Variants in CCDC60 observed in about 807,000 individuals in gnomAD.
The protein encoded by CCDC60 is coiled-coil domain containing 60, also known as coiled-coil domain-containing protein 60.
CCDC60 carries 54 observed loss-of-function variants against 63.5 expected under a neutral mutation model. That is an observed-to-expected ratio of 0.85 (90% confidence interval 0.68 to 1.07). CCDC60 has a LOEUF of 1.07. Among genes scored for constraint, CCDC60 ranks in the 50% least tolerant of loss-of-function variants. The pLI, the probability that CCDC60 is intolerant of heterozygous loss-of-function variation, is 0.00. For missense variants in CCDC60, 651 were observed against 684.3 expected (o/e 0.95, Z 0.54); for synonymous variants, 206 against 238.8 (o/e 0.86, Z 1.27).
intron 2 of CCDC60, among the ~76,000 whole-genome samples, chr12:119,440,713 G>C (rs1001505490): frequency 2.6e-5 from 4 of 152,016 alleles, no homozygotes; most frequent in Non-Finnish European, 4.4e-5. Flanking sequence ...ATACAGAGTG[G>C]GGCAGAAGGA....
At chr12:119,453,917 T>C (rs1399882736) in intron 2 of CCDC60, among the ~76,000 whole-genome samples, 1 of 152,036 alleles carries the variant, frequency 6.6e-6, no homozygotes, top group African/African-American at 2.4e-5. Flanking sequence ...ATGATGATGA[T>C]GATGATGAAA....
intron 13 of CCDC60, among the ~76,000 whole-genome samples, chr12:119,534,087 T>C (rs959986879): frequency 1.3e-5 from 2 of 152,218 alleles, no homozygotes; most frequent in Non-Finnish European, 2.9e-5. Flanking sequence ...TGTCCTCTTT[T>C]ATTTCGTTGA....
chr12:119,348,616 G>A (rs955893759), intron 1 of CCDC60, among the ~76,000 whole-genome samples: 2 of 152,130 alleles, frequency 1.3e-5, no homozygotes, highest in African/African-American at 4.8e-5. Flanking sequence ...ATCTCGTGAA[G>A]ATTCAAGATA....
intron 2 of CCDC60, among the ~76,000 whole-genome samples, chr12:119,461,083 A>C (rs1460775588): frequency 6.6e-6 from 1 of 152,040 alleles, no homozygotes; most frequent in African/African-American, 2.4e-5. Context: ...GCCACATTCC[A>C]GCTGTTATGA....
intron 4 of CCDC60, among the ~76,000 whole-genome samples, chr12:119,481,228 G>A (rs1951311858): frequency 6.6e-6 from 1 of 152,104 alleles, no homozygotes; most frequent in Non-Finnish European, 1.5e-5. Flanking sequence ...ATTCCAGCTG[G>A]CAGCCTAAGC....
intron 12 of CCDC60, among the ~76,000 whole-genome samples, chr12:119,530,281 A>C (rs1045384998): frequency 2.1e-5 from 3 of 140,542 alleles, no homozygotes; most frequent in Admixed American, 7.0e-5. Flanking sequence ...TTTTTTTTTT[A>C]AGAGATCTAC....
intron 1 of CCDC60, among the ~76,000 whole-genome samples, chr12:119,382,174 ACT>A (rs903823025): frequency 6.6e-6 from 1 of 152,052 alleles, no homozygotes; most frequent in African/African-American, 2.4e-5. Flanking sequence ...AGCCACAAAA[ACT>A]CTTTCCCTTG....
chr12:119,524,531 C>A, intron 11 of CCDC60: 3 of 780,604 alleles, frequency 3.8e-6, no homozygotes, highest in Non-Finnish European at 4.7e-6. Context: ...GAAGACTAAT[C>A]CTTGCCCTTT....
intron 5 of CCDC60, among the ~76,000 whole-genome samples, chr12:119,493,792 T>C (rs921733359): frequency 6.6e-6 from 1 of 152,216 alleles, no homozygotes; most frequent in Non-Finnish European, 1.5e-5. Flanking sequence ...TAAGTATTTA[T>C]TCAAACCCTT....
chr12:119,465,934 G>A (rs191572253), intron 2 of CCDC60, among the ~76,000 whole-genome samples: 15 of 152,150 alleles, frequency 9.9e-5, no homozygotes, highest in South Asian at 2.1e-4. Context: ...TTTCTAAAAC[G>A]TGCAAAGCCA....
At chr12:119,340,380 G>A (rs1039063839) in intron 1 of CCDC60, among the ~76,000 whole-genome samples, 2 of 152,152 alleles carry the variant, frequency 1.3e-5, no homozygotes, top group East Asian at 3.9e-4. Flanking sequence ...TTGTTAATAA[G>A]CTTTAGTACC....
chr12:119,507,244 G>A (rs1050079176), intron 7 of CCDC60, among the ~76,000 whole-genome samples: 16 of 151,866 alleles, frequency 1.1e-4, no homozygotes, highest in African/African-American at 3.6e-4. Flanking sequence ...AGTCCACTGG[G>A]TGGTCAGGGT....
intron 2 of CCDC60, among the ~76,000 whole-genome samples, chr12:119,440,668 G>A (rs964685567): frequency 6.6e-6 from 1 of 152,188 alleles, no homozygotes; most frequent in Non-Finnish European, 1.5e-5. Flanking sequence ...TTACCGGGAA[G>A]TAGTCTCAGG....
chr12:119,403,235 G>GA (rs1271201500), intron 1 of CCDC60, among the ~76,000 whole-genome samples: 1 of 152,048 alleles, frequency 6.6e-6, no homozygotes, highest in African/African-American at 2.4e-5. Context: ...TCAGACTCAT[G>GA]AAAAAATAAG....
intron 1 of CCDC60, among the ~76,000 whole-genome samples, chr12:119,356,372 ATTCAT>A (rs1285419757): frequency 6.6e-6 from 1 of 152,068 alleles, no homozygotes; most frequent in Non-Finnish European, 1.5e-5. Context: ...ATTTTATTTC[ATTCAT>A]TTCATTTATA....
intron 1 of CCDC60, among the ~76,000 whole-genome samples, chr12:119,382,456 A>G (rs1210504236): frequency 3.5e-4 from 54 of 152,160 alleles, no homozygotes; most frequent in Non-Finnish European, 1.5e-5. Flanking sequence ...GTTCTGTGGG[A>G]GCACCTAACT....
intron 2 of CCDC60, among the ~76,000 whole-genome samples, chr12:119,439,877 AC>A (rs1159476939): frequency 6.6e-6 from 1 of 152,220 alleles, no homozygotes; most frequent in Non-Finnish European, 1.5e-5. Flanking sequence ...CCGACTAGAC[AC>A]CTTGGATGAT....
intron 2 of CCDC60, among the ~76,000 whole-genome samples, chr12:119,471,565 T>C (rs1281725226): frequency 6.6e-6 from 1 of 152,010 alleles, no homozygotes; most frequent in African/African-American, 2.4e-5. Flanking sequence ...ATTTGTTGAG[T>C]GATGGGATGA....
At chr12:119,395,719 G>C (rs1202037032) in intron 1 of CCDC60, among the ~76,000 whole-genome samples, 1 of 152,294 alleles carries the variant, frequency 6.6e-6, no homozygotes, top group East Asian at 1.9e-4. Context: ...ACAAATGGGT[G>C]GCTCAAAACA....
Sources: allele counts gnomAD v4.1 joint callset (sites outside exome capture counted in the v4.1 genomes callset), GRCh38; gene constraint gnomAD v4.1.1; transcripts MANE v1.5; gene names NCBI Gene and HGNC (gene_info 2026-07-23, HGNC 2026-07-21).